The following FAM20C variants were observed in gnomAD, a reference collection of about 807,000 sequenced individuals.
FAM20C encodes the protein FAM20C golgi associated secretory pathway kinase, also known as extracellular serine/threonine protein kinase FAM20C.
FAM20C carries 40 observed loss-of-function variants against 51.5 expected under a neutral mutation model. That is an observed-to-expected ratio of 0.78 (90% CI 0.60 to 1.01). FAM20C has a LOEUF of 1.01. FAM20C is among the 50% of genes least tolerant of loss of function. The probability of loss-of-function intolerance (pLI) is 0.00; values close to 1 mark genes in which losing one functional copy is unlikely to be tolerated. For synonymous variants in FAM20C, 406 were observed against 380.6 expected, an observed-to-expected ratio of 1.07 and a Z score of -0.78; for missense variants, 861 against 844.7, an observed-to-expected ratio of 1.02 and a Z score of -0.24.
At position 195,539 on chromosome 7, in the gene FAM20C, C is replaced by G; in HGVS notation, c.606-15C>G. 2 of 1,535,548 alleles carry G rather than the reference C, an allele frequency of 1.3e-6. No individual in the cohort carries two copies. Among genetic ancestry groups the G allele is most frequent in the South Asian group, 1.2e-5 (1 of 80,788 alleles). ...TTCTTTCCATGCTGATGTTCGTCCTCGCTGCTCCCTGCAGGCCGCATGCGG... is the reference window on the plus strand; with the variant it reads ...TTCTTTCCATGCTGATGTTCGTCCTGGCTGCTCCCTGCAGGCCGCATGCGG... On this transcript the variant is annotated splice_polypyrimidine_tract_variant and intron_variant, in intron 1 of 9. Coordinates refer to ENST00000313766, the MANE Select transcript of FAM20C (RefSeq NM_020223.4).
At chr7:222,777 T>C (rs960002701) in intron 3 of FAM20C, among the ~76,000 whole-genome samples, 1 of 152,078 alleles carries the variant, frequency 6.6e-6, no homozygotes, top group South Asian at 2.1e-4. Flanking sequence ...TATGAGTAGG[T>C]GAGCGTGTGG....
chr7:253,899 G>A (rs1322072145), intron 5 of FAM20C, among the ~76,000 whole-genome samples: 2 of 152,258 alleles, frequency 1.3e-5, no homozygotes, highest in African/African-American at 2.4e-5. Context: ...TGAGCGCTCA[G>A]ATGAAGATTT....
chr7:248,790 G>A (rs1248045680), intron 5 of FAM20C, among the ~76,000 whole-genome samples: 10 of 123,350 alleles, frequency 8.1e-5, no homozygotes, highest in South Asian at 2.8e-4. Context: ...CATTCATCTC[G>A]CCAGGTAGCC....
chr7:205,395 A>ACGGACACG, intron 2 of FAM20C, among the ~76,000 whole-genome samples: 1 of 147,096 alleles, frequency 6.8e-6, no homozygotes, highest in African/African-American at 2.5e-5. Context: ...ACACACCACC[A>ACGGACACG]CACCAGTTAA....
At chr7:207,638 C>T (rs1419581869) in intron 2 of FAM20C, among the ~76,000 whole-genome samples, 4 of 152,360 alleles carry the variant, frequency 2.6e-5, no homozygotes, top group African/African-American at 9.6e-5. Context: ...CAGGGATGCC[C>T]GGCTCTTGTT....
At position 222,050 on chromosome 7, in the gene FAM20C, C is replaced by G. The variant is rs569321364; in HGVS notation, c.863+13074C>G. On this transcript the variant is annotated intron_variant, in intron 3 of 9. Transcript: ENST00000313766. The stretch of plus-strand genomic sequence containing the variant: ...CTTAGCATCTGGGCACAGGGCGGAG[C>G]CTCGTCTCCAGCAGGGCAGGGGGCT... 1.4e-3 allele frequency among the ~76,000 whole-genome samples: 132 copies of G among 96,200 alleles called. 5 individuals carry two copies. The highest frequency in any genetic ancestry group is 4.3e-3 in the African/African-American group (113 of 26,112). 63.1% of individuals were successfully genotyped at this position (96,200 alleles called of 152,430 possible).
intron 9 of FAM20C, among the ~76,000 whole-genome samples, chr7:259,138 G>C (rs1788766938): frequency 6.6e-6 from 1 of 152,228 alleles, no homozygotes; most frequent in Non-Finnish European, 1.5e-5. Context: ...CTTCTCTAAG[G>C]AGGCATCACA....
intron 3 of FAM20C, among the ~76,000 whole-genome samples, chr7:210,175 C>T (rs936815247): frequency 2.6e-5 from 4 of 152,218 alleles, no homozygotes; most frequent in South Asian, 2.1e-4. Context: ...GTGGGATGAA[C>T]GCACGGGAGC....
intron 5 of FAM20C, among the ~76,000 whole-genome samples, chr7:252,717 G>A (rs925215156): frequency 6.6e-6 from 1 of 152,232 alleles, no homozygotes; most frequent in Non-Finnish European, 1.5e-5. Flanking sequence ...AGGAGGCTGA[G>A]CCCCAGGCAG....
At chr7:203,924 A>C (rs1363205200) in intron 2 of FAM20C, among the ~76,000 whole-genome samples, 1 of 152,210 alleles carries the variant, frequency 6.6e-6, no homozygotes, top group Admixed American at 6.5e-5. Context: ...GGGGGCATCA[A>C]ATGGGGCTTA....
intron 2 of FAM20C, among the ~76,000 whole-genome samples, chr7:196,115 C>T (rs962256487): frequency 6.6e-6 from 1 of 152,216 alleles, no homozygotes; most frequent in Non-Finnish European, 1.5e-5. Context: ...TGGAACTCTC[C>T]TGCTTTTCTA....
intron 3 of FAM20C, 82 bp downstream of exon 3, chr7:209,058 C>G (rs182165753): frequency 3.6e-6 from 5 of 1,374,616 alleles, no homozygotes; most frequent in Non-Finnish European, 3.0e-6. Flanking sequence ...TGGGGATGGC[C>G]GTGTCTCCTC....
chr7:193,749 T>G lies in FAM20C; in HGVS notation c.550T>G (p.Phe184Val). Residue 184 changes from phenylalanine (F) to valine (V), a missense_variant, in exon 1 of 10, where the codon TTC (phenylalanine) becomes GTC (valine). By Grantham distance (50) the Phe-to-Val change is conservative. This residue lies in a region of FAM20C where 561 missense variants were observed against 499.8 expected (regional missense o/e 1.12). Coordinates refer to ENST00000313766, the MANE Select transcript of FAM20C (RefSeq NM_020223.4). ...VPPLTEEDVLFNVNSDTRLSP... is the reference protein window; with the variant it reads ...VPPLTEEDVLVNVNSDTRLSP... Reference sequence around the variant, plus strand: ...GCCGCTCACGGAGGAGGACGTCCTGTTCAATGTGAACAGCGACACCAGGCT... The same window carrying G: ...GCCGCTCACGGAGGAGGACGTCCTGGTCAATGTGAACAGCGACACCAGGCT... The G allele has an allele frequency of 6.5e-7, 1 of 1,549,312 alleles. No individual in the cohort carries two copies. The highest frequency in any genetic ancestry group is 8.7e-7 in the Non-Finnish European group (1 of 1,146,478).
rs192199759 is a variant in FAM20C at position 246,597 on chromosome 7, G to A, written c.956+90G>A. On this transcript the variant is annotated intron_variant, in intron 4 of 9. Transcript: ENST00000313766. ...CGTCCTGCACTGGACACAGCAGGAC[G>A]TCATCGTCACCTTCGTCACCATCAG... 1.8e-4 allele frequency: 169 copies of A among 922,594 alleles called. No homozygotes were observed. In the African/African-American group the frequency reaches 2.4e-3, roughly 13 times the overall value. 57.2% of individuals were successfully genotyped at this position (922,594 alleles called of 1,614,324 possible). A position where few individuals can be genotyped will look rare whatever the true frequency, so the allele number is the denominator to read the frequency against.
At chr7:219,413 C>T (rs1207559366) in intron 3 of FAM20C, among the ~76,000 whole-genome samples, 133 of 139,672 alleles carry the variant, frequency 9.5e-4, no homozygotes, top group East Asian at 7.4e-3. Flanking sequence ...AGGACAGCAA[C>T]GCCCAGCCCA....
At chr7:246,246 G>A (rs910199713) in intron 3 of FAM20C, 169 bp from the exon 4 acceptor site, 4 of 623,716 alleles carry the variant, frequency 6.4e-6, no homozygotes, top group South Asian at 5.5e-5. Flanking sequence ...CTGCTCTGAG[G>A]GCCCGTCGGC....
intron 3 of FAM20C, among the ~76,000 whole-genome samples, chr7:242,202 A>G (rs964922687): frequency 7.2e-5 from 11 of 152,184 alleles, no homozygotes; most frequent in African/African-American, 2.7e-4. Context: ...GTCCCGCAAC[A>G]GCTCTGGGAG....
chr7:215,096 C>T (rs1332587554), intron 3 of FAM20C, among the ~76,000 whole-genome samples: 2 of 151,900 alleles, frequency 1.3e-5, no homozygotes, highest in Non-Finnish European at 2.9e-5. Flanking sequence ...TACGTGTGTC[C>T]AGTCTCCCAA....
intron 2 of FAM20C, among the ~76,000 whole-genome samples, chr7:208,188 G>A (rs565157483): frequency 7.0e-6 from 1 of 143,268 alleles, no homozygotes; most frequent in South Asian, 2.3e-4. Context: ...GGTGTGTCGG[G>A]GGGTGTCTGT....
Sources: allele counts gnomAD v4.1 joint callset (sites outside exome capture counted in the v4.1 genomes callset), GRCh38; gene constraint gnomAD v4.1.1; regional missense constraint gnomAD v4.1.1; transcripts MANE v1.5; gene names NCBI Gene and HGNC (gene_info 2026-07-23, HGNC 2026-07-21).